KCNH7: variants seen among roughly 807,000 people sequenced by gnomAD.
KCNH7 encodes the protein potassium voltage-gated channel subfamily H member 7, also known as voltage-gated inwardly rectifying potassium channel KCNH7.
A neutral mutation model predicts 120.8 loss-of-function variants in KCNH7; 49 were observed. That is an observed-to-expected ratio of 0.41 (90% CI 0.32 to 0.51). The LOEUF (loss-of-function observed/expected upper bound fraction) is 0.51, where lower values mean the gene tolerates loss of function less well. Ranked by LOEUF, KCNH7 falls within the 20% of genes least tolerant of loss-of-function variation. The pLI, the probability that KCNH7 is intolerant of heterozygous loss-of-function variation, is 0.38. For synonymous variants in KCNH7, 547 were observed against 516.1 expected, an observed-to-expected ratio of 1.06 and a Z score of -0.81; for missense variants, 1,097 against 1,446.6, an observed-to-expected ratio of 0.76 and a Z score of 3.92.
At chr2:162,584,736 T>G (rs1693972581) in intron 2 of KCNH7, among the ~76,000 whole-genome samples, 1 of 151,992 alleles carries the variant, frequency 6.6e-6, no homozygotes, top group South Asian at 2.1e-4. Flanking sequence ...TGCAAGATTA[T>G]GCTTTTCCCC....
intron 2 of KCNH7, among the ~76,000 whole-genome samples, chr2:162,588,495 T>C (rs1273761605): frequency 2.0e-5 from 3 of 152,136 alleles, no homozygotes; most frequent in Non-Finnish European, 4.4e-5. Context: ...GAGATGTGTG[T>C]AATCAATTTA....
At chr2:162,694,750 T>A (rs74379591) in intron 2 of KCNH7, among the ~76,000 whole-genome samples, 1 of 145,978 alleles carries the variant, frequency 6.9e-6, no homozygotes, top group Non-Finnish European at 1.5e-5. Context: ...AAACTTGTAT[T>A]TTTTTTTTTT....
intron 15 of KCNH7, 64 bp from the exon 16 acceptor site, chr2:162,372,159 C>T (rs1685973497): frequency 2.3e-6 from 3 of 1,308,480 alleles, no homozygotes; most frequent in Admixed American, 4.3e-5. Context: ...TTGAAAATTA[C>T]ACTAATAAAA....
rs116275502 is a variant in KCNH7, at chr2:162,509,460, A to T, written c.913+3194T>A. On this transcript the variant is annotated intron_variant, in intron 5 of 15. Coordinates refer to ENST00000332142, the MANE Select transcript of KCNH7 (RefSeq NM_033272.4). ...GTTTATTTAGCTAAAGTTTAATAAAACCCAAATTCCTCAAGTGACTTAACA... is the reference window on the plus strand; with the variant it reads ...GTTTATTTAGCTAAAGTTTAATAAATCCCAAATTCCTCAAGTGACTTAACA... 9.5e-3 allele frequency among the ~76,000 whole-genome samples: 1,447 copies of T among 151,770 alleles called. 30 individuals are homozygous for T. Among genetic ancestry groups the T allele is most frequent in the African/African-American group, 0.032 (1,334 of 41,518 alleles).
intron 2 of KCNH7, among the ~76,000 whole-genome samples, chr2:162,576,700 G>A (rs1257375406): frequency 6.6e-6 from 1 of 151,822 alleles, no homozygotes; most frequent in African/African-American, 2.4e-5. Context: ...AAAACAAGTG[G>A]TAAAACATAC....
intron 5 of KCNH7, among the ~76,000 whole-genome samples, chr2:162,510,890 C>T (rs915241961): frequency 6.6e-6 from 1 of 151,644 alleles, no homozygotes; most frequent in Non-Finnish European, 1.5e-5. Flanking sequence ...GTAATGAAGA[C>T]TTTGGATTGA....
chr2:162,391,932 ATAAT>A (rs1294091706), intron 12 of KCNH7, among the ~76,000 whole-genome samples: 2 of 152,028 alleles, frequency 1.3e-5, no homozygotes, highest in Non-Finnish European at 2.9e-5. Context: ...CACCAAGAAA[ATAAT>A]TAAAGACATT....
intron 2 of KCNH7, among the ~76,000 whole-genome samples, chr2:162,640,403 T>C (rs1355480589): frequency 2.6e-5 from 4 of 151,996 alleles, no homozygotes; most frequent in African/African-American, 7.2e-5. Context: ...CACATAAATA[T>C]GCCTGCCTAT....
At chr2:162,525,213 G>A (rs1048394634) in intron 3 of KCNH7, among the ~76,000 whole-genome samples, 3 of 151,972 alleles carry the variant, frequency 2.0e-5, no homozygotes, top group Non-Finnish European at 2.9e-5. Flanking sequence ...GTGAGGATAG[G>A]ACCAAATTGG....
At chr2:162,386,677 A>G (rs1287632257) in intron 12 of KCNH7, among the ~76,000 whole-genome samples, 1 of 151,896 alleles carries the variant, frequency 6.6e-6, no homozygotes, top group Admixed American at 6.6e-5. Flanking sequence ...CCATTAATTC[A>G]TGTGCCTCCA....
At chr2:162,473,702 G>C (rs1205353460) in intron 6 of KCNH7, among the ~76,000 whole-genome samples, 1 of 152,144 alleles carries the variant, frequency 6.6e-6, no homozygotes, top group Non-Finnish European at 1.5e-5. Context: ...CCTTAGAAGA[G>C]GTCATATTCT....
intron 9 of KCNH7, among the ~76,000 whole-genome samples, chr2:162,411,833 A>G (rs1433007211): frequency 6.6e-6 from 1 of 151,846 alleles, no homozygotes; most frequent in Non-Finnish European, 1.5e-5. Flanking sequence ...GTGAATCAAA[A>G]ACACCCCAAT....
intron 2 of KCNH7, among the ~76,000 whole-genome samples, chr2:162,639,222 G>A (rs1265704470): frequency 2.6e-5 from 4 of 152,084 alleles, no homozygotes; most frequent in African/African-American, 7.2e-5. Flanking sequence ...CACTAACAGT[G>A]ATGATAGCTA....
intron 2 of KCNH7, among the ~76,000 whole-genome samples, chr2:162,591,389 T>G (rs1329020498): frequency 6.6e-6 from 1 of 152,040 alleles, no homozygotes; most frequent in Non-Finnish European, 1.5e-5. Flanking sequence ...ATTATTTATT[T>G]TTATAAAAAA....
intron 2 of KCNH7, among the ~76,000 whole-genome samples, chr2:162,540,873 A>G (rs1218210278): frequency 6.6e-6 from 1 of 151,890 alleles, no homozygotes; most frequent in Non-Finnish European, 1.5e-5. Context: ...ATACTGCAAT[A>G]CTCTTGGTAA....
At chr2:162,668,729 G>GA (rs1397570675) in intron 2 of KCNH7, among the ~76,000 whole-genome samples, 1 of 151,762 alleles carries the variant, frequency 6.6e-6, no homozygotes, top group African/African-American at 2.4e-5. Flanking sequence ...AAGGCAGTAG[G>GA]AAAAAAAGGA....
chr2:162,578,188 C>A (rs1693751374), intron 2 of KCNH7, among the ~76,000 whole-genome samples: 1 of 151,960 alleles, frequency 6.6e-6, no homozygotes, highest in Non-Finnish European at 1.5e-5. Flanking sequence ...ACAGTGGGTC[C>A]TTCAACGCTA....
At chr2:162,476,399 CA>C (rs1436398813) in intron 6 of KCNH7, among the ~76,000 whole-genome samples, 4 of 152,140 alleles carry the variant, frequency 2.6e-5, no homozygotes, top group African/African-American at 9.7e-5. Flanking sequence ...TTCAGTAATT[CA>C]GCAAAACTCA....
intron 2 of KCNH7, among the ~76,000 whole-genome samples, chr2:162,652,493 A>G (rs1215609733): frequency 3.3e-5 from 5 of 152,180 alleles, no homozygotes; most frequent in African/African-American, 1.2e-4. Context: ...AGATCATCTC[A>G]GATCATTGGG....
Sources: allele counts gnomAD v4.1 joint callset (sites outside exome capture counted in the v4.1 genomes callset), GRCh38; gene constraint gnomAD v4.1.1; transcripts MANE v1.5; gene names NCBI Gene and HGNC (gene_info 2026-07-23, HGNC 2026-07-21).